Variants in CDK18 observed in about 807,000 individuals in gnomAD.
CDK18 encodes cyclin-dependent kinase 18.
CDK18 carries 52 observed loss-of-function variants against 62.0 expected under a neutral mutation model. The ratio of observed to expected loss-of-function variants is 0.84; its 90% CI spans 0.67 to 1.06. The LOEUF (loss-of-function observed/expected upper bound fraction) is 1.06. Among genes scored for constraint, CDK18 ranks in the 50% least tolerant of loss-of-function variants. CDK18 has a pLI of 0.00. For synonymous variants in CDK18, 237 were observed against 247.0 expected, an observed-to-expected ratio of 0.96 and a Z score of 0.38; for missense variants, 604 against 619.9, an observed-to-expected ratio of 0.97 and a Z score of 0.27.
At position 205,526,046 on chromosome 1, in the gene CDK18, C is replaced by T. The variant is rs1668406346; in HGVS notation, c.457-19C>T. On this transcript the variant is annotated intron_variant, in intron 5 of 15. Coordinates refer to ENST00000429964, the MANE Select transcript of CDK18 (RefSeq NM_212502.3). The stretch of plus-strand genomic sequence containing the variant: ...CAGCACCTGAATGCGCCTGGGGCCG[C>T]TGTGGCCCTCCATCCCAGGGCACCT... 1.9e-6 allele frequency: 3 copies of T among 1,587,716 alleles called. No homozygotes were observed. The South Asian group carries it at 3.4e-5, about 18-fold the overall frequency.
intron 4 of CDK18, 84 bp downstream of exon 4, chr1:205,524,441 G>C: frequency 6.6e-7 from 1 of 1,520,920 alleles, no homozygotes; most frequent in Non-Finnish European, 9.0e-7. Context: ...CTGAGGCCTA[G>C]ATGGGATTTC....
intron 15 of CDK18, among the ~76,000 whole-genome samples, chr1:205,531,006 G>A (rs1196132396): frequency 6.6e-6 from 1 of 152,194 alleles, no homozygotes; most frequent in Non-Finnish European, 1.5e-5. Context: ...CTGGGAGAAC[G>A]GTACTTTGTT....
At chr1:205,521,032 C>T (rs1040605817) in intron 1 of CDK18, among the ~76,000 whole-genome samples, 5 of 152,138 alleles carry the variant, frequency 3.3e-5, no homozygotes, top group African/African-American at 1.2e-4. Context: ...GATGGGGAGT[C>T]AGGAAAGTCC....
intron 1 of CDK18, among the ~76,000 whole-genome samples, chr1:205,511,011 TAGG>T (rs1278783212): frequency 2.0e-5 from 3 of 152,174 alleles, no homozygotes; most frequent in East Asian, 1.9e-4. Flanking sequence ...CCCTGTCAAT[TAGG>T]AGGAGAACAA....
At chr1:205,529,639 C>T in intron 13 of CDK18, 76 bp downstream of exon 13, 1 of 1,610,122 alleles carries the variant, frequency 6.2e-7, no homozygotes, top group East Asian at 2.2e-5. Context: ...CGGGCCTACG[C>T]CCCAACTTCT....
intron 1 of CDK18, among the ~76,000 whole-genome samples, chr1:205,522,130 G>C (rs567809765): frequency 1.6e-4 from 24 of 152,208 alleles, no homozygotes; most frequent in Non-Finnish European, 2.9e-4. Flanking sequence ...AGGGCAGGAG[G>C]GAGAAGGGAG....
intron 1 of CDK18, among the ~76,000 whole-genome samples, chr1:205,521,288 TGCAACCTCCGCCTCCAGGGTTCAA>T (rs1668114516): frequency 6.6e-6 from 1 of 152,230 alleles, no homozygotes; most frequent in Admixed American, 6.5e-5. Context: ...CTCCACTCAC[TGCAACCTCCGCCTCCAGGGTTCAA>T]GCAATCCTCC....
chr1:205,512,015 C>G (rs758785717), intron 1 of CDK18, among the ~76,000 whole-genome samples: 5 of 152,184 alleles, frequency 3.3e-5, no homozygotes. Flanking sequence ...GATCACGCCA[C>G]TGCACTCCAG....
intron 15 of CDK18, among the ~76,000 whole-genome samples, chr1:205,531,071 C>A (rs1174838831): frequency 1.3e-5 from 2 of 152,230 alleles, no homozygotes; most frequent in African/African-American, 4.8e-5. Context: ...GCATCGTCTT[C>A]TTTAATCCTT....
chr1:205,523,551 G>A lies in CDK18; in HGVS notation c.199G>A (p.Gly67Arg), dbSNP rs4623769. The stretch of plus-strand genomic sequence containing the variant: ...CAGCACCTTCTCCCCAACAGACAGC[G>A]GGGAGGAGCCGGGGCAGCTCTCCCC... Reference protein sequence around the residue: ...ECSTFSPTDSGEEPGQLSPGV... With the variant: ...ECSTFSPTDSREEPGQLSPGV... The change falls in exon 3 of 16, where the codon GGG becomes AGG. Residue 67 changes from glycine to arginine, a missense_variant. Physicochemically the swap from Gly to Arg is moderately radical, Grantham distance 125. Coordinates refer to ENST00000429964, the MANE Select transcript of CDK18 (RefSeq NM_212502.3). 93,900 of 1,604,602 alleles carry A rather than the reference G, an allele frequency of 0.059. 3,702 individuals are homozygous for A. Among genetic ancestry groups the A allele is most frequent in the Admixed American group, 0.17 (9,703 of 58,734 alleles).
chr1:205,510,558 G>A (rs1667521954), intron 1 of CDK18, among the ~76,000 whole-genome samples: 1 of 152,208 alleles, frequency 6.6e-6, no homozygotes, highest in South Asian at 2.1e-4. Context: ...AACCTGGCAT[G>A]GCTCCTTCCC....
intron 13 of CDK18, 156 bp downstream of exon 13, chr1:205,529,719 C>T: frequency 1.3e-6 from 2 of 1,539,930 alleles, no homozygotes; most frequent in Non-Finnish European, 1.7e-6. Flanking sequence ...CAAGGGGTGG[C>T]CTCCATACAC....
At chr1:205,529,985 T>A (rs1280887731) in intron 13 of CDK18, 2 of 1,396,782 alleles carry the variant, frequency 1.4e-6, no homozygotes, top group African/African-American at 1.4e-5. Flanking sequence ...TGATCATGGT[T>A]GGTTTGCATC....
At chr1:205,526,910 T>C (rs1668464027) in intron 8 of CDK18, 73 bp downstream of exon 8, 4 of 1,229,362 alleles carry the variant, frequency 3.3e-6, no homozygotes, top group Admixed American at 1.7e-5. Flanking sequence ...GGACCCACTC[T>C]CACCACCAGG....
In CDK18 at chr1:205,528,890, C is replaced by T. The variant is rs1159649077; in HGVS notation, c.975-109C>T. The T allele has an allele frequency of 1.0e-5, 7 of 702,176 alleles. No homozygotes were observed. Among genetic ancestry groups the T allele is most frequent in the East Asian group, 8.2e-5 (3 of 36,418 alleles). 43.5% of individuals were successfully genotyped at this position (702,176 alleles called of 1,614,324 possible). On this transcript the variant is annotated intron_variant, in intron 10 of 15. Transcript: ENST00000429964. This position sits in a 1 kb window ranked among gnomAD's most constrained non-coding sequence, Gnocchi z 4.2. ...GGCCACCCCTCCGCCGCCAGAGCCA[C>T]GATCCCTGCAGCCGCCTGTGGCAGG...
At position 205,526,832 on chromosome 1, in the gene CDK18, G is replaced by T; in HGVS notation, c.724G>T (p.Val242Phe). 1.9e-6 allele frequency: 3 copies of T among 1,613,540 alleles called. No individual in the cohort carries two copies. The highest frequency in any genetic ancestry group is 2.5e-6 in the Non-Finnish European group (3 of 1,179,438). ...HCGNLMSMHN[V>F]KIFMFQLLRG... The stretch of plus-strand genomic sequence containing the variant: ...TGGGAACCTCATGAGCATGCACAAC[G>T]TCAAGGTGAGGCCTCGGGGGCAGGG... The change falls in exon 8 of 16, where the codon GTC becomes TTC. Residue 242 changes from valine to phenylalanine, a missense_variant. Val to Phe is a conservative substitution (Grantham distance 50). Coordinates refer to ENST00000429964, the MANE Select transcript of CDK18 (RefSeq NM_212502.3).
intron 1 of CDK18, among the ~76,000 whole-genome samples, chr1:205,508,869 C>A (rs948368571): frequency 5.3e-5 from 8 of 150,878 alleles, no homozygotes; most frequent in Non-Finnish European, 1.0e-4. Context: ...GGGTCTTAGG[C>A]CGGGTGTGGT....
intron 1 of CDK18, among the ~76,000 whole-genome samples, chr1:205,509,980 TGA>T (rs1667488946): frequency 6.6e-6 from 1 of 151,680 alleles, no homozygotes; most frequent in Non-Finnish European, 1.5e-5. Flanking sequence ...CTCCAGAGGC[TGA>T]GGCACGAGAA....
intron 1 of CDK18, among the ~76,000 whole-genome samples, chr1:205,508,871 G>A (rs1477098103): frequency 1.3e-5 from 2 of 151,474 alleles, no homozygotes; most frequent in African/African-American, 2.4e-5. Context: ...GTCTTAGGCC[G>A]GGTGTGGTGG....
Sources: gnomAD v4.1 joint callset for allele counts (sites outside exome capture counted in the v4.1 genomes callset) on GRCh38, gnomAD v4.1.1 for gene constraint, Gnocchi (gnomAD v3.1) non-coding constraint, MANE v1.5 for transcripts, NCBI Gene and HGNC (gene_info 2026-07-23, HGNC 2026-07-21) for gene names.